SPECC1L: variants seen among roughly 807,000 people sequenced by gnomAD.
SPECC1L encodes cytospin-A.
In SPECC1L, 40 loss-of-function variants were observed where a neutral mutation model predicts 116.8. The observed-to-expected ratio is 0.34, with a 90% CI of 0.27 to 0.45. SPECC1L has a LOEUF of 0.45. Among genes scored for constraint, SPECC1L ranks in the 20% least tolerant of loss-of-function variants. SPECC1L has a pLI of 1.00. For synonymous variants in SPECC1L, 504 were observed against 500.6 expected (o/e 1.01, Z -0.09); for missense variants, 1,110 against 1,373.6 (o/e 0.81, Z 3.03).
chr22:24,412,351 T>A, intron 15 of SPECC1L: 1 of 490,870 alleles, frequency 2.0e-6, no homozygotes, highest in South Asian at 2.1e-5. Context: ...AACTAGCTTT[T>A]GGGGGTGCGT....
intron 11 of SPECC1L, 47 bp downstream of exon 11, chr22:24,347,223 A>G: frequency 6.8e-7 from 1 of 1,468,578 alleles, no homozygotes; most frequent in Non-Finnish European, 9.5e-7. Flanking sequence ...CAATTTTTGA[A>G]TTGTTCTGGC....
At chr22:24,292,496 T>C (rs576294610) in intron 2 of SPECC1L, among the ~76,000 whole-genome samples, 3 of 152,198 alleles carry the variant, frequency 2.0e-5, no homozygotes, top group South Asian at 4.1e-4. Flanking sequence ...TTATCAGTTC[T>C]TTTTTATAGG....
intron 14 of SPECC1L, among the ~76,000 whole-genome samples, chr22:24,371,421 T>C (rs985056167): frequency 1.3e-5 from 2 of 152,200 alleles, no homozygotes; most frequent in Non-Finnish European, 2.9e-5. Context: ...GAGACCAGCC[T>C]GGGCAGCATC....
At chr22:24,411,446 C>A in intron 14 of SPECC1L, 142 bp from the exon 15 acceptor site, 1 of 785,252 alleles carries the variant, frequency 1.3e-6, no homozygotes, top group South Asian at 1.4e-5. Flanking sequence ...ACCAGGTAGC[C>A]CTTGGACACA....
intron 14 of SPECC1L, among the ~76,000 whole-genome samples, chr22:24,407,224 G>A (rs574890708): frequency 6.6e-6 from 1 of 152,308 alleles, no homozygotes; most frequent in East Asian, 1.9e-4. Context: ...TTCGTTGTCA[G>A]GTACTCAAAT....
chr22:24,352,006 G>T (rs2041434954), intron 11 of SPECC1L, among the ~76,000 whole-genome samples: 1 of 151,762 alleles, frequency 6.6e-6, no homozygotes, highest in Non-Finnish European at 1.5e-5. Flanking sequence ...AAAAGATGCT[G>T]CCTCTTGCTC....
chr22:24,383,076 G>A (rs2042091322), intron 14 of SPECC1L, among the ~76,000 whole-genome samples: 1 of 152,178 alleles, frequency 6.6e-6, no homozygotes, highest in African/African-American at 2.4e-5. Context: ...CCAGCCAAAT[G>A]GGAATGACAA....
intron 3 of SPECC1L, among the ~76,000 whole-genome samples, chr22:24,309,482 C>T (rs930937334): frequency 2.6e-5 from 4 of 152,132 alleles, no homozygotes; most frequent in South Asian, 2.1e-4. Flanking sequence ...CTCACTGCAA[C>T]GTCCGTCTCC....
chr22:24,325,731 A>C (rs946901911), intron 6 of SPECC1L, among the ~76,000 whole-genome samples: 6 of 152,178 alleles, frequency 3.9e-5, no homozygotes, highest in Admixed American at 6.5e-5. Context: ...ATTTATGATC[A>C]GTCTAAGATG....
At chr22:24,399,995 T>C (rs958376233) in intron 14 of SPECC1L, among the ~76,000 whole-genome samples, 1 of 152,258 alleles carries the variant, frequency 6.6e-6, no homozygotes, top group Non-Finnish European at 1.5e-5. Flanking sequence ...CAGGATAATT[T>C]AGTTGTTTAT....
At chr22:24,389,215 C>G (rs1391886974) in intron 14 of SPECC1L, among the ~76,000 whole-genome samples, 1 of 147,312 alleles carries the variant, frequency 6.8e-6, no homozygotes, top group Non-Finnish European at 1.5e-5. Flanking sequence ...CTCCTGGGTT[C>G]AAGCGATTCT....
chr22:24,377,669 A>T (rs1243282605), intron 14 of SPECC1L, among the ~76,000 whole-genome samples: 2 of 152,198 alleles, frequency 1.3e-5, no homozygotes, highest in African/African-American at 2.4e-5. Flanking sequence ...GAGCTGCAGA[A>T]TGGATGTTGT....
intron 14 of SPECC1L, among the ~76,000 whole-genome samples, chr22:24,408,857 C>G (rs963639277): frequency 9.8e-5 from 15 of 152,364 alleles, no homozygotes; most frequent in Middle Eastern, 3.4e-3. Context: ...GAGAAGTCAG[C>G]CTCGTGATCC....
At chr22:24,383,580 TAGAG>T (rs2042100558) in intron 14 of SPECC1L, among the ~76,000 whole-genome samples, 2 of 152,102 alleles carry the variant, frequency 1.3e-5, no homozygotes, top group African/African-American at 2.4e-5. Flanking sequence ...GATGAAGAGA[TAGAG>T]AGTTTTACCG....
rs200914313 is a variant in SPECC1L at position 24,343,803 on chromosome 22, T to TA, written c.2653-3272dup. 0.011 allele frequency among the ~76,000 whole-genome samples: 1,580 copies of TA among 146,410 alleles called. 73 individuals carry two copies. The South Asian group carries it at 0.12, about 11-fold the overall frequency. On this transcript the variant is annotated intron_variant, in intron 10 of 16. Transcript: ENST00000314328. ...CTGTCAACTTAGAATTCTGTGTATT[T>TA]AAAAAAAAAAAGTAAAAGTAAAATT...
At chr22:24,335,124 G>A (rs2041025670) in intron 9 of SPECC1L, among the ~76,000 whole-genome samples, 1 of 152,080 alleles carries the variant, frequency 6.6e-6, no homozygotes, top group Non-Finnish European at 1.5e-5. Flanking sequence ...TCCATTACTA[G>A]CAAATTCTGT....
At chr22:24,366,916 GGGTGT>G (rs1264882781) in intron 13 of SPECC1L, among the ~76,000 whole-genome samples, 1 of 152,134 alleles carries the variant, frequency 6.6e-6, no homozygotes, top group African/African-American at 2.4e-5. Flanking sequence ...GGAAGCAGCC[GGGTGT>G]GGTGGCTCAC....
chr22:24,396,518 G>A (rs565093903), intron 14 of SPECC1L, among the ~76,000 whole-genome samples: 3 of 152,060 alleles, frequency 2.0e-5, no homozygotes, highest in Non-Finnish European at 2.9e-5. Context: ...GGCTGGTCTC[G>A]AACTCCTGAC....
intron 6 of SPECC1L, among the ~76,000 whole-genome samples, chr22:24,327,970 T>G (rs182903401): frequency 2.3e-3 from 347 of 152,322 alleles, no homozygotes; most frequent in Non-Finnish European, 4.2e-3. Flanking sequence ...ACCAGTTGTG[T>G]AAGTACCCTT....
Sources: gnomAD v4.1 joint callset for allele counts (sites outside exome capture counted in the v4.1 genomes callset) on GRCh38, gnomAD v4.1.1 for gene constraint, MANE v1.5 for transcripts, NCBI Gene and HGNC (gene_info 2026-07-23, HGNC 2026-07-21) for gene names.